GRID2: variants seen among roughly 807,000 people sequenced by gnomAD.
GRID2 encodes glutamate ionotropic receptor delta type subunit 2, also known as glutamate receptor ionotropic, delta-2.
A neutral mutation model predicts 114.8 loss-of-function variants in GRID2; 33 were observed. The ratio of observed to expected loss-of-function variants is 0.29; its 90% CI spans 0.22 to 0.38. The LOEUF is 0.38. Among genes scored for constraint, GRID2 ranks in the 10% least tolerant of loss-of-function variants. The probability of loss-of-function intolerance (pLI) is 1.00; values close to 1 mark genes in which losing one functional copy is unlikely to be tolerated. For missense variants in GRID2, 1,184 were observed against 1,257.7 expected (o/e 0.94, Z 0.89); for synonymous variants, 505 against 449.9 (o/e 1.12, Z -1.55).
chr4:92,906,245 G>T (rs1276045254), intron 2 of GRID2, among the ~76,000 whole-genome samples: 1 of 143,984 alleles, frequency 6.9e-6, no homozygotes, highest in Non-Finnish European at 1.5e-5. Context: ...TAGACCTGAA[G>T]CTTCCCTTGA....
rs1051011067 is a variant in GRID2 at position 92,995,193 on chromosome 4, A to C, written c.245-89802A>C. On this transcript the variant is annotated intron_variant, in intron 2 of 15. Transcript: ENST00000282020. ...CTCAGTGTATACAAATTTTATGCTT[A>C]TCAGTAGAGGTGAGATTATTGGCTC... 2.0e-4 allele frequency among the ~76,000 whole-genome samples: 31 copies of C among 152,266 alleles called. 1 individual carries two copies. Among genetic ancestry groups the C allele is most frequent in the African/African-American group, 7.2e-4 (30 of 41,550 alleles).
chr4:92,837,830 T>C (rs1742573748), intron 2 of GRID2, among the ~76,000 whole-genome samples: 2 of 152,082 alleles, frequency 1.3e-5, no homozygotes, highest in Non-Finnish European at 2.9e-5. Flanking sequence ...AACAACCTAA[T>C]TGTGGTTAAA....
At chr4:92,590,450 C>A (rs774323930) in intron 2 of GRID2, among the ~76,000 whole-genome samples, 164 bp downstream of exon 2, 3 of 151,900 alleles carry the variant, frequency 2.0e-5, no homozygotes, top group Non-Finnish European at 4.4e-5. Flanking sequence ...ATCTTGTATT[C>A]CAGTTTTGAA....
intron 2 of GRID2, among the ~76,000 whole-genome samples, chr4:92,875,223 C>T (rs1401592384): frequency 7.3e-6 from 1 of 137,802 alleles, no homozygotes; most frequent in Non-Finnish European, 1.5e-5. Context: ...AGCGCAATGG[C>T]GCAATCTCAG....
At chr4:92,336,066 T>G (rs1333249790) in intron 1 of GRID2, among the ~76,000 whole-genome samples, 1 of 152,218 alleles carries the variant, frequency 6.6e-6, no homozygotes, top group African/African-American at 2.4e-5. Flanking sequence ...TTTCATTACA[T>G]ACACACAAAT....
chr4:92,441,203 G>A (rs111822243), intron 1 of GRID2, among the ~76,000 whole-genome samples: 5,915 of 152,224 alleles, frequency 0.039, 116 homozygotes, highest in South Asian at 0.08. Context: ...AGGTGTTTGG[G>A]TTTGAGAGAT....
chr4:92,602,731 G>T (rs926365681), intron 2 of GRID2, among the ~76,000 whole-genome samples: 7 of 152,078 alleles, frequency 4.6e-5, no homozygotes, highest in African/African-American at 1.7e-4. Context: ...AAGAAATAAA[G>T]GTTATTCAAA....
chr4:92,898,693 G>A (rs1352845131), intron 2 of GRID2, among the ~76,000 whole-genome samples: 2 of 152,094 alleles, frequency 1.3e-5, no homozygotes, highest in African/African-American at 2.4e-5. Flanking sequence ...CCAATCCTCT[G>A]AGCTTTGATT....
chr4:92,539,877 G>C (rs59455002), intron 1 of GRID2, among the ~76,000 whole-genome samples: 1 of 151,984 alleles, frequency 6.6e-6, no homozygotes, highest in Non-Finnish European at 1.5e-5. Flanking sequence ...AAGTCGGGTA[G>C]CTACCTGACT....
chr4:93,620,586 A>G (rs1297953800), intron 13 of GRID2, among the ~76,000 whole-genome samples: 1 of 152,166 alleles, frequency 6.6e-6, no homozygotes, highest in Non-Finnish European at 1.5e-5. Flanking sequence ...TCTATATACA[A>G]ATAGAAATGT....
intron 3 of GRID2, among the ~76,000 whole-genome samples, chr4:93,090,545 G>C (rs1730695282): frequency 6.6e-6 from 1 of 152,100 alleles, no homozygotes; most frequent in South Asian, 2.1e-4. Flanking sequence ...ATTTATAATG[G>C]ATGAATCCCA....
At chr4:93,645,451 A>T (rs1722023239) in intron 14 of GRID2, among the ~76,000 whole-genome samples, 1 of 152,168 alleles carries the variant, frequency 6.6e-6, no homozygotes, top group Admixed American at 6.5e-5. Context: ...GACTTGGGCA[A>T]ACTCTCCATT....
At chr4:93,128,664 G>A (rs1579068608) in intron 4 of GRID2, among the ~76,000 whole-genome samples, 1 of 151,652 alleles carries the variant, frequency 6.6e-6, no homozygotes, top group African/African-American at 2.4e-5. Context: ...GAGCAGGAAT[G>A]GAAACTTGGG....
At chr4:92,775,407 G>C (rs764164114) in intron 2 of GRID2, among the ~76,000 whole-genome samples, 2 of 152,144 alleles carry the variant, frequency 1.3e-5, no homozygotes, top group African/African-American at 4.8e-5. Context: ...CAAGTAACTT[G>C]AGTCTCAGAT....
chr4:92,344,571 T>A (rs1579211996), intron 1 of GRID2, among the ~76,000 whole-genome samples: 1 of 152,224 alleles, frequency 6.6e-6, no homozygotes, highest in East Asian at 1.9e-4. Context: ...GGACAACTAT[T>A]CCTTTCTTCA....
At chr4:92,768,012 GTTAT>G (rs1293355340) in intron 2 of GRID2, among the ~76,000 whole-genome samples, 19 of 151,706 alleles carry the variant, frequency 1.3e-4, no homozygotes, top group African/African-American at 4.6e-4. Flanking sequence ...TATTATATCT[GTTAT>G]TTGTGTACTT....
At chr4:92,878,545 A>G (rs1745787153) in intron 2 of GRID2, among the ~76,000 whole-genome samples, 1 of 152,156 alleles carries the variant, frequency 6.6e-6, no homozygotes, top group Non-Finnish European at 1.5e-5. Flanking sequence ...AAGAAGTTCA[A>G]GATGATTTTA....
chr4:92,376,532 G>C (rs757941997), intron 1 of GRID2, among the ~76,000 whole-genome samples: 3 of 152,098 alleles, frequency 2.0e-5, no homozygotes, highest in Non-Finnish European at 4.4e-5. Context: ...CTGGGGTCTG[G>C]AGGAAAGTGG....
At chr4:92,962,353 G>A (rs996987836) in intron 2 of GRID2, among the ~76,000 whole-genome samples, 3 of 151,718 alleles carry the variant, frequency 2.0e-5, no homozygotes, top group Admixed American at 1.3e-4. Flanking sequence ...ATTGAGACTC[G>A]GTCTTTTAGT....
Sources: allele counts gnomAD v4.1 joint callset (sites outside exome capture counted in the v4.1 genomes callset), GRCh38; gene constraint gnomAD v4.1.1; transcripts MANE v1.5; gene names NCBI Gene and HGNC (gene_info 2026-07-23, HGNC 2026-07-21).